MRPL13: variants seen among roughly 807,000 people sequenced by gnomAD.
MRPL13 encodes the protein large ribosomal subunit protein uL13m.
Under a neutral mutation model 29.0 loss-of-function variants are expected in MRPL13, and 33 were observed. The ratio of observed to expected loss-of-function variants is 1.14; its 90% CI spans 0.86 to 1.52. MRPL13 has a LOEUF of 1.52. Ranked by LOEUF, MRPL13 falls within the 40% of genes most tolerant of loss-of-function variation. The probability of loss-of-function intolerance (pLI) is 0.00; values close to 1 mark genes in which losing one functional copy is unlikely to be tolerated. For synonymous variants in MRPL13, 77 were observed against 68.4 expected (o/e 1.13, Z -0.62); for missense variants, 227 against 216.7 (o/e 1.05, Z -0.30).
chr8:120,422,219 T>C (rs76284345), intron 4 of MRPL13, among the ~76,000 whole-genome samples: 11 of 151,794 alleles, frequency 7.2e-5, no homozygotes, highest in Non-Finnish European at 1.6e-4. Flanking sequence ...ATCCTGACAA[T>C]AGATATTTAT....
rs1032130514 is a variant in MRPL13, at chr8:120,432,904, GA to G, written c.152-782del. 4.6e-5 allele frequency among the ~76,000 whole-genome samples: 7 copies of G among 151,684 alleles called. No individual in the cohort carries two copies. In the East Asian group the frequency reaches 1.3e-3, roughly 29 times the overall value. ...TTATAAAATACCTATTTTACTAATAGAAAAAACAAACCAAGATATTCTAGAA... is the reference window on the plus strand; with the variant it reads ...TTATAAAATACCTATTTTACTAATAGAAAAACAAACCAAGATATTCTAGAA... On this transcript the variant is annotated intron_variant, in intron 2 of 6. Coordinates refer to ENST00000306185, the MANE Select transcript of MRPL13 (RefSeq NM_014078.6).
intron 3 of MRPL13, among the ~76,000 whole-genome samples, chr8:120,427,562 G>A (rs1812944802): frequency 6.6e-6 from 1 of 152,136 alleles, no homozygotes; most frequent in Non-Finnish European, 1.5e-5. Flanking sequence ...AATCAGGAAT[G>A]TACTCCCATT....
intron 6 of MRPL13, among the ~76,000 whole-genome samples, chr8:120,397,899 C>T (rs1468787372): frequency 1.3e-5 from 2 of 152,204 alleles, no homozygotes; most frequent in Admixed American, 1.3e-4. Flanking sequence ...GACCCCGATC[C>T]ATCCCTCCTC....
At chr8:120,434,749 A>C (rs1436075584) in intron 2 of MRPL13, among the ~76,000 whole-genome samples, 1 of 152,102 alleles carries the variant, frequency 6.6e-6, no homozygotes, top group Admixed American at 6.6e-5. Context: ...CCTAGAGTAT[A>C]GGATAACTTT....
chr8:120,433,426 T>G (rs984024519), intron 2 of MRPL13, among the ~76,000 whole-genome samples: 9 of 151,946 alleles, frequency 5.9e-5, no homozygotes, highest in Non-Finnish European at 1.2e-4. Flanking sequence ...TAACATCTAT[T>G]TGGAGGAAAA....
chr8:120,407,147 A>G (rs538978792), intron 6 of MRPL13, among the ~76,000 whole-genome samples: 13 of 152,376 alleles, frequency 8.5e-5, no homozygotes, highest in African/African-American at 2.9e-4. Context: ...AAATAAGCAC[A>G]TATCAAAAAA....
chr8:120,424,283 C>T (rs1812906622), intron 4 of MRPL13, among the ~76,000 whole-genome samples: 1 of 151,752 alleles, frequency 6.6e-6, no homozygotes, highest in East Asian at 1.9e-4. Flanking sequence ...TCATCTAACA[C>T]TAAACCTTCA....
chr8:120,397,358 C>T (rs780021210), intron 6 of MRPL13, among the ~76,000 whole-genome samples: 9 of 152,148 alleles, frequency 5.9e-5, no homozygotes, highest in Non-Finnish European at 1.0e-4. Flanking sequence ...TCCAGGGAGC[C>T]AAGCGGTGTT....
intron 2 of MRPL13, among the ~76,000 whole-genome samples, chr8:120,438,649 C>A (rs968225689): frequency 7.9e-5 from 12 of 152,128 alleles, no homozygotes; most frequent in Non-Finnish European, 1.8e-4. Flanking sequence ...CTGCTGATAC[C>A]ATTGCTAAGG....
At position 120,445,034 on chromosome 8, in the gene MRPL13, T is replaced by C. The variant is rs377175052; in HGVS notation, c.27+34A>G. 220 of 1,613,768 alleles carry C rather than the reference T, an allele frequency of 1.4e-4. 2 individuals are homozygous for C. The African/African-American group carries it at 2.7e-3, about 20-fold the overall frequency. On this transcript the variant is annotated intron_variant, in intron 1 of 6. Coordinates refer to ENST00000306185, the MANE Select transcript of MRPL13 (RefSeq NM_014078.6). ...CAACGCTCTCCTTCTGCCAGTATAA[T>C]GAACCCCATCAAGCCATAAGAGTCC...
chr8:120,441,030 T>C (rs970776199), intron 2 of MRPL13, among the ~76,000 whole-genome samples: 5 of 152,078 alleles, frequency 3.3e-5, no homozygotes, highest in African/African-American at 4.8e-5. Context: ...TGAGTGTATA[T>C]ATATATGTAC....
At chr8:120,413,147 A>G (rs1204840936) in intron 6 of MRPL13, among the ~76,000 whole-genome samples, 1 of 152,166 alleles carries the variant, frequency 6.6e-6, no homozygotes, top group East Asian at 1.9e-4. Flanking sequence ...TTTGCTTCAT[A>G]TTTTCTAGAG....
intron 6 of MRPL13, among the ~76,000 whole-genome samples, chr8:120,411,759 G>A (rs1812741551): frequency 6.6e-6 from 1 of 152,118 alleles, no homozygotes; most frequent in African/African-American, 2.4e-5. Context: ...AAGAGAGAGG[G>A]CAGGAAAATC....
intron 4 of MRPL13, among the ~76,000 whole-genome samples, chr8:120,425,001 C>T (rs1394135508): frequency 6.6e-6 from 1 of 151,984 alleles, no homozygotes; most frequent in Non-Finnish European, 1.5e-5. Context: ...ATACATATAT[C>T]TCTCTCCTTT....
chr8:120,408,391 T>A (rs1374707284), intron 6 of MRPL13, among the ~76,000 whole-genome samples: 1 of 152,226 alleles, frequency 6.6e-6, no homozygotes, highest in East Asian at 1.9e-4. Context: ...ACTACTTTTT[T>A]ATTTTACTAG....
At chr8:120,410,468 C>T (rs1366803830) in intron 6 of MRPL13, among the ~76,000 whole-genome samples, 2 of 152,106 alleles carry the variant, frequency 1.3e-5, no homozygotes, top group Non-Finnish European at 2.9e-5. Context: ...AATTGAACTG[C>T]ATGGCATATC....
intron 3 of MRPL13, among the ~76,000 whole-genome samples, chr8:120,431,612 A>G (rs1586926439): frequency 6.6e-6 from 1 of 152,204 alleles, no homozygotes; most frequent in South Asian, 2.1e-4. Flanking sequence ...GAACACACCC[A>G]GGTGAGTGTA....
chr8:120,417,199 T>C (rs989710500), intron 5 of MRPL13, among the ~76,000 whole-genome samples: 1 of 152,220 alleles, frequency 6.6e-6, no homozygotes, highest in Non-Finnish European at 1.5e-5. Flanking sequence ...CAGTGCTTCA[T>C]AGCAGGAGGC....
At chr8:120,411,519 T>C in intron 6 of MRPL13, among the ~76,000 whole-genome samples, 1 of 152,330 alleles carries the variant, frequency 6.6e-6, no homozygotes, top group African/African-American at 2.4e-5. Flanking sequence ...CTGGACTTGA[T>C]GTCAGCTCAA....
Sources: allele counts gnomAD v4.1 joint callset (sites outside exome capture counted in the v4.1 genomes callset), GRCh38; gene constraint gnomAD v4.1.1; transcripts MANE v1.5; gene names NCBI Gene and HGNC (gene_info 2026-07-23, HGNC 2026-07-21).